The following FANCC variants were observed in gnomAD, a reference collection of about 807,000 sequenced individuals.
FANCC encodes the protein Fanconi anemia group C protein.
In FANCC, 55 loss-of-function variants were observed where a neutral mutation model predicts 71.3. The observed-to-expected ratio is 0.77, with a 90% confidence interval of 0.62 to 0.97. The LOEUF is 0.97. Among genes scored for constraint, FANCC ranks in the 50% least tolerant of loss-of-function variants. The pLI is 0.00. For missense variants in FANCC, 678 were observed against 670.9 expected (o/e 1.01, Z -0.12); for synonymous variants, 275 against 244.9 (o/e 1.12, Z -1.15).
At chr9:95,142,770 C>T (rs1384513688) in intron 7 of FANCC, among the ~76,000 whole-genome samples, 2 of 152,200 alleles carry the variant, frequency 1.3e-5, no homozygotes, top group Non-Finnish European at 2.9e-5. Context: ...CCCCGAGCTG[C>T]GAGTGTTAGA....
chr9:95,112,085 C>T (rs187070820), intron 12 of FANCC, among the ~76,000 whole-genome samples: 2 of 152,202 alleles, frequency 1.3e-5, no homozygotes, highest in South Asian at 2.1e-4. Flanking sequence ...TCAGCAACTA[C>T]GAATTTTTAA....
intron 2 of FANCC, among the ~76,000 whole-genome samples, chr9:95,248,590 C>T (rs1831138616): frequency 6.6e-6 from 1 of 152,010 alleles, no homozygotes; most frequent in Admixed American, 6.6e-5. Flanking sequence ...AATATAACAA[C>T]ATGTGCTAAA....
At chr9:95,184,977 AG>A (rs1252613893) in intron 4 of FANCC, among the ~76,000 whole-genome samples, 1 of 152,232 alleles carries the variant, frequency 6.6e-6, no homozygotes, top group Admixed American at 6.5e-5. Context: ...GAGATGTCTC[AG>A]GAACAAAATA....
At chr9:95,215,138 T>A (rs1828777988) in intron 4 of FANCC, among the ~76,000 whole-genome samples, 1 of 152,154 alleles carries the variant, frequency 6.6e-6, no homozygotes. Flanking sequence ...ACTTACCAGT[T>A]CAAAGACAAA....
intron 4 of FANCC, among the ~76,000 whole-genome samples, chr9:95,212,941 G>T (rs1375635439): frequency 6.6e-6 from 1 of 152,132 alleles, no homozygotes; most frequent in Non-Finnish European, 1.5e-5. Context: ...TCCTAGAGCT[G>T]TGCTTCCCAA....
intron 5 of FANCC, 44 bp downstream of exon 5, chr9:95,171,993 T>C (rs778901973): frequency 8.6e-7 from 1 of 1,161,222 alleles, no homozygotes; most frequent in Non-Finnish European, 1.3e-6. Context: ...TGATGGCACA[T>C]TCAGCATTAA....
intron 6 of FANCC, among the ~76,000 whole-genome samples, chr9:95,153,687 G>C (rs1290348007): frequency 6.6e-6 from 1 of 151,992 alleles, no homozygotes; most frequent in Non-Finnish European, 1.5e-5. Flanking sequence ...TTCTTGATTT[G>C]AGTTCCTTGT....
At chr9:95,231,045 G>A (rs1829979884) in intron 4 of FANCC, among the ~76,000 whole-genome samples, 1 of 152,154 alleles carries the variant, frequency 6.6e-6, no homozygotes, top group African/African-American at 2.4e-5. Flanking sequence ...CTTGACCTAG[G>A]AAGTCCAGCT....
At chr9:95,173,203 T>C (rs1825794436) in intron 4 of FANCC, among the ~76,000 whole-genome samples, 1 of 152,200 alleles carries the variant, frequency 6.6e-6, no homozygotes, top group African/African-American at 2.4e-5. Context: ...ATGAAACATG[T>C]ACTCTGTGTG....
At chr9:95,110,508 G>C in intron 13 of FANCC, 7 of 1,030,584 alleles carry the variant, frequency 6.8e-6, no homozygotes, top group Non-Finnish European at 8.2e-6. Context: ...ACATACGTGG[G>C]TTATAATTTT....
At chr9:95,268,969 G>A (rs1433983740) in intron 1 of FANCC, among the ~76,000 whole-genome samples, 1 of 152,144 alleles carries the variant, frequency 6.6e-6, no homozygotes, top group African/African-American at 2.4e-5. Flanking sequence ...TGAGTTCCAA[G>A]GGACAATTTA....
intron 6 of FANCC, among the ~76,000 whole-genome samples, chr9:95,158,181 C>T (rs973909007): frequency 6.6e-6 from 1 of 152,122 alleles, no homozygotes; most frequent in South Asian, 2.1e-4. Context: ...AGGCTATGTG[C>T]AAAGTATACA....
chr9:95,167,179 A>T (rs1554841870), intron 6 of FANCC, among the ~76,000 whole-genome samples: 1 of 152,094 alleles, frequency 6.6e-6, no homozygotes, highest in African/African-American at 2.4e-5. Context: ...TGAGAAATCC[A>T]CTGATAATCT....
intron 11 of FANCC, 23 bp downstream of exon 11, chr9:95,117,292 G>A (rs1227390153): frequency 4.4e-6 from 7 of 1,608,056 alleles, no homozygotes; most frequent in Non-Finnish European, 6.0e-6. Context: ...ATTCTGATGT[G>A]GGCAAAGTCA....
intron 1 of FANCC, among the ~76,000 whole-genome samples, chr9:95,306,168 G>C (rs773649397): frequency 6.6e-6 from 1 of 152,116 alleles, no homozygotes; most frequent in Non-Finnish European, 1.5e-5. Context: ...ATGCATCAAG[G>C]ACCTTCAGAA....
At chr9:95,253,023 A>C (rs1204987874) in intron 1 of FANCC, among the ~76,000 whole-genome samples, 1 of 151,698 alleles carries the variant, frequency 6.6e-6, no homozygotes, top group Non-Finnish European at 1.5e-5. Context: ...GCACCACTGC[A>C]CTCCACACTC....
intron 4 of FANCC, among the ~76,000 whole-genome samples, chr9:95,200,531 G>C (rs1452468128): frequency 6.6e-6 from 1 of 152,172 alleles, no homozygotes. Flanking sequence ...ACGAACAGCA[G>C]AGTCAGGGAT....
At chr9:95,169,099 G>T (rs1251286575) in intron 6 of FANCC, among the ~76,000 whole-genome samples, 1 of 152,122 alleles carries the variant, frequency 6.6e-6, no homozygotes, top group Non-Finnish European at 1.5e-5. Context: ...CAGAGAAGTT[G>T]TAAAGTGCTT....
chr9:95,175,109 T>C (rs1258868050), intron 4 of FANCC, among the ~76,000 whole-genome samples: 2 of 152,132 alleles, frequency 1.3e-5, no homozygotes, highest in African/African-American at 4.8e-5. Context: ...GTGCAGATCA[T>C]GTACTTTCTC....
Sources: allele counts gnomAD v4.1 joint callset (sites outside exome capture counted in the v4.1 genomes callset), GRCh38; gene constraint gnomAD v4.1.1; transcripts MANE v1.5; gene names NCBI Gene and HGNC (gene_info 2026-07-23, HGNC 2026-07-21).